URI1: variants seen among roughly 807,000 people sequenced by gnomAD.
URI1 encodes URI1 prefoldin like chaperone, also known as unconventional prefoldin RPB5 interactor 1.
URI1 carries 39 observed loss-of-function variants against 60.2 expected under a neutral mutation model. The observed-to-expected ratio is 0.65, with a 90% CI of 0.50 to 0.85. The LOEUF is 0.85. Among genes scored for constraint, URI1 ranks in the 40% least tolerant of loss-of-function variants. URI1 has a pLI of 0.00. For synonymous variants in URI1, 251 were observed against 236.8 expected (o/e 1.06, Z -0.55); for missense variants, 691 against 665.9 (o/e 1.04, Z -0.42).
intron 1 of URI1, among the ~76,000 whole-genome samples, chr19:29,950,635 G>A (rs908583442): frequency 6.6e-6 from 1 of 151,890 alleles, no homozygotes; most frequent in Non-Finnish European, 1.5e-5. Flanking sequence ...TAATACTGAA[G>A]CACTTATCAT....
At chr19:29,927,088 A>T (rs1411269797) in intron 1 of URI1, among the ~76,000 whole-genome samples, 1 of 152,176 alleles carries the variant, frequency 6.6e-6, no homozygotes, top group African/African-American at 2.4e-5. Context: ...GAGACCCTGC[A>T]GAGGCTACTG....
chr19:29,975,704 C>T (rs548071144), intron 2 of URI1, among the ~76,000 whole-genome samples: 9 of 152,228 alleles, frequency 5.9e-5, no homozygotes, highest in Admixed American at 5.9e-4. Context: ...CGGGGTTTCA[C>T]CGTGTTGCCC....
intron 1 of URI1, among the ~76,000 whole-genome samples, chr19:29,943,270 A>T (rs2055056441): frequency 6.6e-6 from 1 of 152,082 alleles, no homozygotes; most frequent in African/African-American, 2.4e-5. Context: ...CATTTTTACA[A>T]ATTTTAATTT....
chr19:29,955,394 T>A (rs1295570698), intron 1 of URI1, among the ~76,000 whole-genome samples: 1 of 152,212 alleles, frequency 6.6e-6, no homozygotes, highest in Non-Finnish European at 1.5e-5. Flanking sequence ...GTAAATCACT[T>A]TATGCATATG....
At chr19:29,943,576 TCTTAA>T (rs1379664386) in intron 1 of URI1, among the ~76,000 whole-genome samples, 1 of 152,176 alleles carries the variant, frequency 6.6e-6, no homozygotes, top group African/African-American at 2.4e-5. Flanking sequence ...GTTTAAAAGT[TCTTAA>T]CTTTTTAATT....
At chr19:29,956,041 A>G (rs996511800) in intron 1 of URI1, among the ~76,000 whole-genome samples, 2 of 147,654 alleles carry the variant, frequency 1.4e-5, no homozygotes, top group Non-Finnish European at 3.0e-5. Flanking sequence ...CTGGAGTGCA[A>G]TGGAGTGGTC....
At chr19:29,953,494 A>G (rs1394810161) in intron 1 of URI1, among the ~76,000 whole-genome samples, 1 of 152,204 alleles carries the variant, frequency 6.6e-6, no homozygotes, top group Non-Finnish European at 1.5e-5. Context: ...AGTAAAAACA[A>G]TCTGAATTCT....
At chr19:30,002,351 G>C (rs749858089) in intron 4 of URI1, among the ~76,000 whole-genome samples, 1 of 151,874 alleles carries the variant, frequency 6.6e-6, no homozygotes, top group African/African-American at 2.4e-5. Context: ...GTTCTTATGA[G>C]GTTTTAAATT....
chr19:29,939,434 C>A (rs986385426), upstream of URI1, among the ~76,000 whole-genome samples: 1 of 151,836 alleles, frequency 6.6e-6, no homozygotes, highest in Admixed American at 6.6e-5. Flanking sequence ...GCCACCACGG[C>A]GGCTAATTTT....
intron 1 of URI1, among the ~76,000 whole-genome samples, chr19:29,951,021 C>T (rs2055172866): frequency 6.6e-6 from 1 of 152,310 alleles, no homozygotes; most frequent in Middle Eastern, 3.4e-3. Context: ...GTCCCAGTTA[C>T]TCCAAAAGCT....
intron 4 of URI1, among the ~76,000 whole-genome samples, chr19:29,994,265 T>C (rs1171268294): frequency 6.6e-6 from 1 of 152,202 alleles, no homozygotes; most frequent in Non-Finnish European, 1.5e-5. Flanking sequence ...CCCCTGGCAC[T>C]GCTAACTAGC....
At chr19:29,978,137 T>C (rs1021184876) in intron 2 of URI1, among the ~76,000 whole-genome samples, 2 of 152,218 alleles carry the variant, frequency 1.3e-5, no homozygotes, top group African/African-American at 4.8e-5. Flanking sequence ...TTATTACTTG[T>C]AGGAGTCCTC....
intron 1 of URI1, chr19:29,957,053 G>T (rs2055257897): frequency 1.8e-6 from 1 of 559,386 alleles, no homozygotes; most frequent in East Asian, 3.2e-5. Flanking sequence ...CAAATTGGAT[G>T]ATGTCATTTT....
chr19:29,942,272 G>C lies in URI1; in HGVS notation c.-276G>C, dbSNP rs2055035908. On this transcript the variant is annotated 5_prime_UTR_variant, in exon 1 of 11. Transcript: ENST00000392271. ...AGGCGCGGCCGCCACGCGACGCCTG[G>C]CTGGGCCCGCACCGGAGAGGCGTCT... 4.1e-6 allele frequency: 4 copies of C among 984,680 alleles called. No individual in the cohort carries two copies. Among genetic ancestry groups the C allele is most frequent in the Non-Finnish European group, 4.8e-6 (4 of 829,666 alleles). 61.0% of individuals were successfully genotyped at this position (984,680 alleles called of 1,614,324 possible).
intron 2 of URI1, among the ~76,000 whole-genome samples, chr19:29,977,901 C>T (rs982587635): frequency 4.0e-5 from 6 of 151,858 alleles, no homozygotes; most frequent in Non-Finnish European, 5.9e-5. Flanking sequence ...AAAATGAATG[C>T]ATGCTTAGTT....
chr19:30,006,083 C>T (rs1319612485), intron 6 of URI1, among the ~76,000 whole-genome samples: 2 of 152,072 alleles, frequency 1.3e-5, no homozygotes, highest in Non-Finnish European at 2.9e-5. Flanking sequence ...TTTAAAACTG[C>T]AGCTTTGTAA....
At chr19:29,945,986 G>A (rs779849936) in intron 1 of URI1, among the ~76,000 whole-genome samples, 3 of 152,008 alleles carry the variant, frequency 2.0e-5, no homozygotes, top group African/African-American at 4.8e-5. Context: ...TTTGAATGCC[G>A]GTTAGGCAGG....
At chr19:30,000,107 G>T (rs1284474543) in intron 4 of URI1, among the ~76,000 whole-genome samples, 1 of 151,264 alleles carries the variant, frequency 6.6e-6, no homozygotes, top group Non-Finnish European at 1.5e-5. Context: ...CACAATTTTT[G>T]TTGAATCAGT....
At chr19:29,994,436 TC>T (rs575681023) in intron 4 of URI1, among the ~76,000 whole-genome samples, 51 of 151,798 alleles carry the variant, frequency 3.4e-4, no homozygotes, top group African/African-American at 1.2e-3. Context: ...TTTTCCTTCC[TC>T]CCCCCATCCC....
Sources: allele counts gnomAD v4.1 joint callset (sites outside exome capture counted in the v4.1 genomes callset), GRCh38; gene constraint gnomAD v4.1.1; transcripts MANE v1.5; gene names NCBI Gene and HGNC (gene_info 2026-07-23, HGNC 2026-07-21).